EVC: variants seen among roughly 807,000 people sequenced by gnomAD.
EVC encodes EvC ciliary complex subunit 1.
A neutral mutation model predicts 118.9 loss-of-function variants in EVC; 116 were observed. The ratio of observed to expected loss-of-function variants is 0.98; its 90% CI spans 0.84 to 1.14. EVC has a LOEUF of 1.14. Ranked by LOEUF, EVC falls within the 50% of genes most tolerant of loss-of-function variation. The pLI is 0.00. For missense variants in EVC, 1,401 were observed against 1,246.4 expected (o/e 1.12, Z -1.87); for synonymous variants, 619 against 534.7 (o/e 1.16, Z -2.18).
intron 12 of EVC, among the ~76,000 whole-genome samples, chr4:5,788,315 C>G (rs1712094561): frequency 1.3e-5 from 2 of 152,178 alleles, no homozygotes; most frequent in South Asian, 4.1e-4. Flanking sequence ...GGGCTGGAGT[C>G]TCATCAGAAG....
At chr4:5,745,819 T>C (rs1362312608) in intron 7 of EVC, among the ~76,000 whole-genome samples, 1 of 152,234 alleles carries the variant, frequency 6.6e-6, no homozygotes, top group East Asian at 1.9e-4. Flanking sequence ...CCAGGGATTG[T>C]GCTGGGCACT....
intron 7 of EVC, among the ~76,000 whole-genome samples, chr4:5,747,217 C>CT (rs5855891): frequency 0.42 from 63,601 of 150,530 alleles, 13,732 homozygotes; most frequent in East Asian, 0.62. Flanking sequence ...TTGAGGCTGA[C>CT]AGAGTTTCAT....
chr4:5,821,933 A>C, the EVC span: 2 of 1,113,552 alleles, frequency 1.8e-6, no homozygotes, highest in Non-Finnish European at 1.2e-6. This position sits in a 1 kb window ranked among gnomAD's most constrained non-coding sequence, Gnocchi z 4.4. Context: ...GTACTCTGCC[A>C]TGCACTCCAC....
intron 18 of EVC, among the ~76,000 whole-genome samples, chr4:5,808,822 T>A (rs1716432304): frequency 6.6e-6 from 1 of 152,024 alleles, no homozygotes; most frequent in African/African-American, 2.4e-5. Context: ...AAGGTGAGAG[T>A]ATAAAGTGTG....
intron 11 of EVC, among the ~76,000 whole-genome samples, chr4:5,767,771 C>T (rs1219121998): frequency 1.1e-4 from 16 of 152,144 alleles, no homozygotes; most frequent in Admixed American, 5.9e-4. Context: ...GCACATGGTG[C>T]GCTGCACCCA....
chr4:5,821,469 A>C, the EVC span: 1 of 420,182 alleles, frequency 2.4e-6, no homozygotes, highest in Non-Finnish European at 4.3e-6. The surrounding 1 kb of genome is among the most constrained non-coding windows in gnomAD (Gnocchi z 4.4). Flanking sequence ...TAGAAGTGGA[A>C]GGGACAGAAC....
intron 11 of EVC, among the ~76,000 whole-genome samples, chr4:5,782,695 C>A (rs1015380169): frequency 2.0e-5 from 3 of 151,816 alleles, no homozygotes; most frequent in Non-Finnish European, 4.4e-5. Flanking sequence ...AGACAAGAGG[C>A]AGGACAGCCG....
chr4:5,758,072 C>A (rs1207833757), intron 11 of EVC: 20 of 702,200 alleles, frequency 2.8e-5, no homozygotes, highest in Non-Finnish European at 4.2e-5. Context: ...TGGCTGGTGT[C>A]CTTATAAGAA....
intron 1 of EVC, among the ~76,000 whole-genome samples, chr4:5,717,407 T>G (rs1412619045): frequency 6.6e-6 from 1 of 152,168 alleles, no homozygotes; most frequent in Non-Finnish European, 1.5e-5. Context: ...GATTTTATCT[T>G]TCATATTAGA....
chr4:5,783,814 A>G (rs745637127), intron 12 of EVC, 50 bp downstream of exon 12: 3 of 1,514,946 alleles, frequency 2.0e-6, no homozygotes, highest in Non-Finnish European at 2.7e-6. Flanking sequence ...TTAGAAACAC[A>G]CGAAGAAGCG....
intron 5 of EVC, among the ~76,000 whole-genome samples, chr4:5,735,885 A>C (rs968885814): frequency 2.6e-5 from 4 of 152,188 alleles, no homozygotes; most frequent in African/African-American, 9.6e-5. Context: ...TCTGGGGAGC[A>C]TAACTCTATC....
At chr4:5,735,299 G>A (rs756518929) in intron 5 of EVC, among the ~76,000 whole-genome samples, 4 of 152,218 alleles carry the variant, frequency 2.6e-5, no homozygotes, top group Non-Finnish European at 4.4e-5. Flanking sequence ...TTCCCTGTGG[G>A]GAGTCTCGTG....
Position 5,797,006 on chromosome 4 carries a change from C to G in EVC, c.1887-16C>G. On this transcript the variant is annotated splice_polypyrimidine_tract_variant and intron_variant, in intron 13 of 20. Transcript: ENST00000264956. Reference sequence around the variant, plus strand: ...CCAAGAGCATTGACCCCACCCCTCACCTGCTTTCCTCAAAGGTCCACGCGG... The same window carrying G: ...CCAAGAGCATTGACCCCACCCCTCAGCTGCTTTCCTCAAAGGTCCACGCGG... 5 of 1,601,196 alleles carry G rather than the reference C, an allele frequency of 3.1e-6. No homozygotes were observed. The highest frequency in any genetic ancestry group is 4.3e-6 in the Non-Finnish European group (5 of 1,169,074).
chr4:5,753,494 G>C (rs1215041040), intron 9 of EVC, among the ~76,000 whole-genome samples: 7 of 152,170 alleles, frequency 4.6e-5, no homozygotes, highest in African/African-American at 1.7e-4. Context: ...GGTCCAGCAT[G>C]TGGGGCAGGA....
chr4:5,804,363 C>T (rs935392786), intron 16 of EVC, among the ~76,000 whole-genome samples: 9 of 152,186 alleles, frequency 5.9e-5, no homozygotes, highest in Non-Finnish European at 1.3e-4. Context: ...TTGGAGAGCA[C>T]CCACTTCGGC....
intron 5 of EVC, among the ~76,000 whole-genome samples, chr4:5,734,493 C>T (rs1727356217): frequency 6.6e-6 from 1 of 152,032 alleles, no homozygotes; most frequent in Admixed American, 6.6e-5. Context: ...CAAAAACAAA[C>T]AAACAAACAA....
downstream of EVC, among the ~76,000 whole-genome samples, chr4:5,817,705 A>T (rs905929737): frequency 5.3e-5 from 8 of 152,222 alleles, no homozygotes; most frequent in African/African-American, 1.7e-4. Context: ...CCTTGGAAAG[A>T]GTAACACAGA....
intron 11 of EVC, among the ~76,000 whole-genome samples, chr4:5,757,041 C>T (rs572610950): frequency 2.0e-5 from 3 of 152,296 alleles, no homozygotes; most frequent in East Asian, 3.9e-4. Context: ...CCTGGCTCCC[C>T]GCTTCCTCAC....
chr4:5,715,431 T>C (rs1034633612), intron 1 of EVC, among the ~76,000 whole-genome samples: 1 of 152,216 alleles, frequency 6.6e-6, no homozygotes, highest in African/African-American at 2.4e-5. Flanking sequence ...CTGTGTTTAA[T>C]AAGCCCTCCT....
Sources: gnomAD v4.1 joint callset for allele counts (sites outside exome capture counted in the v4.1 genomes callset) on GRCh38, gnomAD v4.1.1 for gene constraint, Gnocchi (gnomAD v3.1) non-coding constraint, MANE v1.5 for transcripts, NCBI Gene and HGNC (gene_info 2026-07-23, HGNC 2026-07-21) for gene names.